EDARADD: variants seen among roughly 807,000 people sequenced by gnomAD.
EDARADD encodes ectodysplasin-A receptor-associated adapter protein.
A neutral mutation model predicts 25.6 loss-of-function variants in EDARADD; 20 were observed. The ratio of observed to expected loss-of-function variants is 0.78; its 90% CI spans 0.55 to 1.14. The LOEUF is 1.14. EDARADD is among the 50% of genes most tolerant of loss of function. The pLI is 0.00. For synonymous variants in EDARADD, 86 were observed against 94.4 expected (o/e 0.91, Z 0.52); for missense variants, 225 against 270.1 (o/e 0.83, Z 1.17).
chr1:236,363,033 A>ATATATATATATATAT (rs1558100919), intron 3 of EDARADD, among the ~76,000 whole-genome samples: 8 of 117,644 alleles, frequency 6.8e-5, no homozygotes, highest in African/African-American at 9.6e-5. Context: ...ATATATATAT[A>ATATATATATATATAT]AAATTTGTGT....
intron 3 of EDARADD, among the ~76,000 whole-genome samples, chr1:236,373,162 G>A (rs559272918): frequency 1.8e-4 from 27 of 150,926 alleles, no homozygotes; most frequent in African/African-American, 3.7e-4. Flanking sequence ...TGATCCGCCC[G>A]CCTTGGCTTC....
intron 3 of EDARADD, among the ~76,000 whole-genome samples, chr1:236,358,561 G>A (rs144665287): frequency 1.6e-3 from 247 of 152,248 alleles, no homozygotes; most frequent in African/African-American, 5.8e-3. Flanking sequence ...AGGGTTTCTG[G>A]TACATTGTCT....
At chr1:236,351,282 T>C (rs1313177183) in intron 3 of EDARADD, among the ~76,000 whole-genome samples, 1 of 152,176 alleles carries the variant, frequency 6.6e-6, no homozygotes, top group African/African-American at 2.4e-5. Context: ...CTCAGCCTCT[T>C]CCTTTTAGGT....
At chr1:236,459,829 G>T (rs1271910131) in intron 4 of EDARADD, among the ~76,000 whole-genome samples, 1 of 151,866 alleles carries the variant, frequency 6.6e-6, no homozygotes, top group Admixed American at 6.6e-5. Context: ...AGCCAGACTG[G>T]TCTCAAACTC....
At chr1:236,361,635 T>TTATATATATATATA (rs146661697) in intron 3 of EDARADD, among the ~76,000 whole-genome samples, 32,057 of 133,540 alleles carry the variant, frequency 0.24, 4,779 homozygotes, top group East Asian at 0.58. Flanking sequence ...CAGCCAAATT[T>TTATATATATATATA]TATATATATA....
rs181563631 is a variant in EDARADD at position 236,355,557 on chromosome 1, T to G, written c.-6+4718T>G. Among the ~76,000 whole-genome samples, 4 of 132,274 alleles carry G rather than the reference T, an allele frequency of 3.0e-5. No individual in the cohort carries two copies. In the Admixed American group the frequency reaches 3.7e-4, roughly 12 times the overall value. 86.8% of individuals were successfully genotyped at this position (132,274 alleles called of 152,430 possible). ...AGAGTTTCGCTCTTGTCACCCAGGC[T>G]GGAGTGCAGTGGCACGATCTCGGCT... On this transcript the variant is annotated intron_variant, in intron 3 of 7. Transcript: ENST00000439430.
At chr1:236,424,614 G>A (rs1441247542) in intron 3 of EDARADD, among the ~76,000 whole-genome samples, 2 of 152,064 alleles carry the variant, frequency 1.3e-5, no homozygotes, top group Non-Finnish European at 2.9e-5. Flanking sequence ...TATCATCAGG[G>A]GTGGGGCCTT....
At chr1:236,420,161 G>C (rs1027254646) in intron 3 of EDARADD, among the ~76,000 whole-genome samples, 1 of 151,982 alleles carries the variant, frequency 6.6e-6, no homozygotes, top group African/African-American at 2.4e-5. Context: ...ACTCCACCCT[G>C]GACAACAAAG....
Position 236,395,593 on chromosome 1 carries a change from C to A in EDARADD, c.61+1088C>A, listed in dbSNP as rs962864704. On this transcript the variant is annotated intron_variant, in intron 1 of 5. Transcript: ENST00000334232. The surrounding 1 kb of genome is among the most constrained non-coding windows in gnomAD (Gnocchi z 6.9). ...CTCCCGCGCCCCGGAGGCCTGCCAGCCCCGCTCGGACGCTCGTTTGCCCCT... is the reference window on the plus strand; with the variant it reads ...CTCCCGCGCCCCGGAGGCCTGCCAGACCCGCTCGGACGCTCGTTTGCCCCT... 6 of 1,550,384 alleles carry A rather than the reference C, an allele frequency of 3.9e-6. No homozygotes were observed. The highest frequency in any genetic ancestry group is 5.2e-6 in the Non-Finnish European group (6 of 1,149,750).
At chr1:236,424,452 C>T (rs563820800) in intron 3 of EDARADD, among the ~76,000 whole-genome samples, 1 of 152,146 alleles carries the variant, frequency 6.6e-6, no homozygotes, top group East Asian at 1.9e-4. Context: ...TGTGAGCCAC[C>T]ACACCCAACC....
At chr1:236,427,299 C>T (rs958726364) in intron 3 of EDARADD, 93 bp from the exon 4 acceptor site, 23 of 1,261,344 alleles carry the variant, frequency 1.8e-5, no homozygotes, top group Admixed American at 6.4e-5. Flanking sequence ...CAGCATGTGA[C>T]ACTGAACCTT....
intron 3 of EDARADD, among the ~76,000 whole-genome samples, chr1:236,382,613 T>C (rs1667314258): frequency 6.6e-6 from 1 of 152,190 alleles, no homozygotes; most frequent in African/African-American, 2.4e-5. Context: ...CTTGAGCAGT[T>C]AAGTTGGTTG....
chr1:236,356,099 A>T (rs1219990012), intron 3 of EDARADD, among the ~76,000 whole-genome samples: 2 of 152,160 alleles, frequency 1.3e-5, no homozygotes, highest in African/African-American at 4.8e-5. Flanking sequence ...ATTTGGGAAG[A>T]TTGCTTGACA....
At chr1:236,434,432 G>A (rs566430636) in intron 4 of EDARADD, among the ~76,000 whole-genome samples, 6 of 152,034 alleles carry the variant, frequency 3.9e-5, no homozygotes, top group Non-Finnish European at 7.4e-5. Context: ...TAGAGACGGG[G>A]TTTTGCCATG....
At chr1:236,455,146 G>C (rs903050382) in intron 4 of EDARADD, among the ~76,000 whole-genome samples, 3 of 152,074 alleles carry the variant, frequency 2.0e-5, no homozygotes, top group Non-Finnish European at 2.9e-5. Flanking sequence ...TGAGGCGGAG[G>C]TTGCAGTGAG....
At chr1:236,394,802 G>A (rs1667484578) in intron 1 of EDARADD, among the ~76,000 whole-genome samples, 1 of 152,084 alleles carries the variant, frequency 6.6e-6, no homozygotes, top group Non-Finnish European at 1.5e-5. Flanking sequence ...CAATTCCAAC[G>A]TGTTCTCACT....
At chr1:236,365,912 A>G (rs1000412899) in intron 3 of EDARADD, among the ~76,000 whole-genome samples, 7 of 152,240 alleles carry the variant, frequency 4.6e-5, no homozygotes, top group Middle Eastern at 3.4e-3. Flanking sequence ...AATTCCATCC[A>G]GTGTATTTGT....
At chr1:236,479,021 G>C (rs1319977095) in intron 5 of EDARADD, among the ~76,000 whole-genome samples, 4 of 152,190 alleles carry the variant, frequency 2.6e-5, no homozygotes, top group African/African-American at 9.7e-5. Context: ...TCAGGGAAAA[G>C]GTGGGAAGGG....
At position 236,399,666 on chromosome 1, in the gene EDARADD, T is replaced by C. The variant is rs981286279; in HGVS notation, c.61+5161T>C. ...GCCAGATTTGTCTGTCAAATGTTTG[T>C]AAAATCTGTTTGTTCATGATTGTTC... On this transcript the variant is annotated intron_variant, in intron 1 of 5. Coordinates refer to ENST00000334232, the MANE Select transcript of EDARADD (RefSeq NM_145861.4). 3.9e-5 allele frequency among the ~76,000 whole-genome samples: 6 copies of C among 152,380 alleles called. No homozygotes were observed. In the South Asian group the frequency reaches 1.2e-3, roughly 32 times the overall value.
Sources: allele counts gnomAD v4.1 joint callset (sites outside exome capture counted in the v4.1 genomes callset), GRCh38; gene constraint gnomAD v4.1.1; non-coding constraint Gnocchi (gnomAD v3.1); transcripts MANE v1.5; gene names NCBI Gene and HGNC (gene_info 2026-07-23, HGNC 2026-07-21).